PLS1: variants seen among roughly 807,000 people sequenced by gnomAD.
PLS1 encodes the protein plastin 1.
PLS1 carries 32 observed loss-of-function variants against 73.7 expected under a neutral mutation model. The ratio of observed to expected loss-of-function variants is 0.43; its 90% CI spans 0.33 to 0.58. PLS1 has a LOEUF of 0.58. Ranked by LOEUF, PLS1 falls within the 20% of genes least tolerant of loss-of-function variation. The pLI, the probability that PLS1 is intolerant of heterozygous loss-of-function variation, is 0.04. For synonymous variants in PLS1, 217 were observed against 261.3 expected, an observed-to-expected ratio of 0.83 and a Z score of 1.63; for missense variants, 633 against 740.5, an observed-to-expected ratio of 0.85 and a Z score of 1.68.
At chr3:142,627,711 G>A (rs2036459359) in intron 1 of PLS1, 1 of 152,182 alleles carries the variant, frequency 6.6e-6, no homozygotes, top group South Asian at 2.1e-4. Context: ...GCTCACTGCA[G>A]CCTCGACCTC....
intron 12 of PLS1, among the ~76,000 whole-genome samples, chr3:142,701,505 C>T (rs997773891): frequency 3.9e-5 from 6 of 152,170 alleles, no homozygotes; most frequent in African/African-American, 1.4e-4. Flanking sequence ...ACCTGTACTA[C>T]CATACACATG....
At chr3:142,649,335 C>CAAA (rs3055060) in intron 1 of PLS1, among the ~76,000 whole-genome samples, 11,422 of 93,262 alleles carry the variant, frequency 0.12, 1,009 homozygotes, top group African/African-American at 0.13. Context: ...GACCCTATGT[C>CAAA]AAAAAAAAAA....
chr3:142,660,085 T>C (rs2037335924), intron 1 of PLS1, among the ~76,000 whole-genome samples: 1 of 152,188 alleles, frequency 6.6e-6, no homozygotes, highest in African/African-American at 2.4e-5. Context: ...TTTTAAAAGT[T>C]TACCAAAGTT....
intron 1 of PLS1, among the ~76,000 whole-genome samples, chr3:142,659,312 G>A (rs1216745856): frequency 6.6e-6 from 1 of 151,970 alleles, no homozygotes; most frequent in East Asian, 1.9e-4. Context: ...AGAATAGCTG[G>A]GAAATGAAAA....
chr3:142,628,706 T>G (rs2036486965), intron 1 of PLS1, among the ~76,000 whole-genome samples: 1 of 152,246 alleles, frequency 6.6e-6, no homozygotes, highest in Non-Finnish European at 1.5e-5. Flanking sequence ...CAAACTTATT[T>G]CTTTCTTTCA....
At chr3:142,703,781 G>C (rs2038386518) in intron 12 of PLS1, 87 bp from the exon 13 acceptor site, 1 of 787,530 alleles carries the variant, frequency 1.3e-6, no homozygotes, top group African/African-American at 1.7e-5. Flanking sequence ...CATCATAATT[G>C]TTTTTCAGAT....
At chr3:142,600,427 G>A (rs1235244403) in intron 1 of PLS1, among the ~76,000 whole-genome samples, 3 of 152,104 alleles carry the variant, frequency 2.0e-5, no homozygotes, top group Non-Finnish European at 2.9e-5. Flanking sequence ...CAGGTGCAGT[G>A]AGGGTAGGCC....
chr3:142,693,902 A>G (rs2038138834), intron 10 of PLS1, among the ~76,000 whole-genome samples: 1 of 152,028 alleles, frequency 6.6e-6, no homozygotes, highest in African/African-American at 2.4e-5. Context: ...CTAACTCAGG[A>G]AGCCTGTAAA....
chr3:142,647,596 G>A (rs755132981), intron 1 of PLS1, among the ~76,000 whole-genome samples: 6 of 150,458 alleles, frequency 4.0e-5, no homozygotes, highest in East Asian at 2.0e-4. Flanking sequence ...TCTGCCTCCC[G>A]GGTTCATGCG....
chr3:142,674,634 T>C (rs2037680763), intron 4 of PLS1, among the ~76,000 whole-genome samples: 1 of 152,220 alleles, frequency 6.6e-6, no homozygotes, highest in African/African-American at 2.4e-5. Flanking sequence ...CTACTTAAGA[T>C]CAATGTACCC....
chr3:142,676,113 A>G (rs1337475526), intron 4 of PLS1, 44 bp from the exon 5 acceptor site: 1 of 1,572,124 alleles, frequency 6.4e-7, no homozygotes, highest in Non-Finnish European at 8.7e-7. Context: ...AGTGCAATAA[A>G]GTTTGTGAAA....
chr3:142,628,001 T>C (rs909009001), intron 1 of PLS1: 5 of 152,144 alleles, frequency 3.3e-5, no homozygotes, highest in African/African-American at 1.2e-4. Flanking sequence ...AAAAGAACCA[T>C]GTACAGAAAG....
intron 1 of PLS1, among the ~76,000 whole-genome samples, chr3:142,622,952 C>A (rs943604820): frequency 6.6e-6 from 1 of 151,926 alleles, no homozygotes; most frequent in African/African-American, 2.4e-5. Flanking sequence ...TTGCCGTTTT[C>A]TTTTCTTTTT....
intron 2 of PLS1, among the ~76,000 whole-genome samples, chr3:142,668,502 A>G (rs550041129): frequency 3.8e-4 from 58 of 152,310 alleles, no homozygotes; most frequent in African/African-American, 9.9e-4. Flanking sequence ...TGTATTTTAT[A>G]TGGAATGTGG....
chr3:142,712,914 C>T lies in PLS1; in HGVS notation c.*907C>T, dbSNP rs1366499444. 6.6e-6 allele frequency: 1 copy of T among 152,424 alleles called. No homozygotes were observed. Among genetic ancestry groups the T allele is most frequent in the Non-Finnish European group, 1.5e-5 (1 of 67,954 alleles). The allele number at this position is 152,424 out of a possible 1,614,324, so 9.4% of individuals were successfully genotyped here. ...TGAATGTGCATATAGTTATTTGACC[C>T]CTTCCAAATACTTGTAGCCAAACAT... On this transcript the variant is annotated 3_prime_UTR_variant, in exon 16 of 16. Coordinates refer to ENST00000457734, the MANE Select transcript of PLS1 (RefSeq NM_001145319.2).
chr3:142,657,450 C>T (rs2037264849), intron 1 of PLS1, among the ~76,000 whole-genome samples: 1 of 152,124 alleles, frequency 6.6e-6, no homozygotes, highest in South Asian at 2.1e-4. Context: ...TGCCAGAGTC[C>T]CTCAGATAAG....
chr3:142,694,359 G>A, intron 10 of PLS1, 110 bp from the exon 11 acceptor site: 1 of 573,986 alleles, frequency 1.7e-6, no homozygotes, highest in East Asian at 3.0e-5. Flanking sequence ...AGTATCTAAA[G>A]AACCATGGCA....
At chr3:142,670,848 A>G in intron 3 of PLS1, 145 bp from the exon 4 acceptor site, 1 of 532,674 alleles carries the variant, frequency 1.9e-6, no homozygotes, top group Non-Finnish European at 3.2e-6. Context: ...AAAATGATGA[A>G]AGTTATCTGT....
chr3:142,668,124 A>C (rs1261228570), intron 2 of PLS1, among the ~76,000 whole-genome samples: 1 of 152,202 alleles, frequency 6.6e-6, no homozygotes, highest in Non-Finnish European at 1.5e-5. Context: ...GAGCAAAGAG[A>C]GCCTATACAA....
Sources: allele counts gnomAD v4.1 joint callset (sites outside exome capture counted in the v4.1 genomes callset), GRCh38; gene constraint gnomAD v4.1.1; transcripts MANE v1.5; gene names NCBI Gene and HGNC (gene_info 2026-07-23, HGNC 2026-07-21).